Variants in WDR7 observed in about 807,000 individuals in gnomAD.
WDR7 encodes the protein WD repeat-containing protein 7.
In WDR7, 46 loss-of-function variants were observed where a neutral mutation model predicts 169.4. The ratio of observed to expected loss-of-function variants is 0.27; its 90% CI spans 0.21 to 0.35. The LOEUF (loss-of-function observed/expected upper bound fraction) is 0.35, where lower values mean the gene tolerates loss of function less well. Ranked by LOEUF, WDR7 falls within the 10% of genes least tolerant of loss-of-function variation. WDR7 has a pLI of 1.00. For missense variants in WDR7, 1,534 were observed against 1,859.3 expected, an observed-to-expected ratio of 0.83 and a Z score of 3.22; for synonymous variants, 612 against 666.8, an observed-to-expected ratio of 0.92 and a Z score of 1.27.
intron 19 of WDR7, among the ~76,000 whole-genome samples, chr18:56,798,236 A>G (rs75130065): frequency 0.014 from 2,094 of 152,308 alleles, 48 homozygotes; most frequent in African/African-American, 0.048. Flanking sequence ...ATTTCTATCA[A>G]TAATAGTGGT....
chr18:56,853,744 T>G (rs1334057679), intron 20 of WDR7, among the ~76,000 whole-genome samples: 1 of 152,204 alleles, frequency 6.6e-6, no homozygotes. Context: ...TATATTGGTA[T>G]GCCTAAACAA....
chr18:56,678,361 A>AT (rs2025285227), intron 2 of WDR7, among the ~76,000 whole-genome samples: 1 of 152,278 alleles, frequency 6.6e-6, no homozygotes, highest in Admixed American at 6.5e-5. Context: ...CCATGGAGGA[A>AT]TTAAGTATTT....
chr18:56,973,154 GCGCGAGCCAC>G (rs1309824093), intron 26 of WDR7, among the ~76,000 whole-genome samples: 1 of 152,190 alleles, frequency 6.6e-6, no homozygotes, highest in African/African-American at 2.4e-5. Context: ...GGGATTACAG[GCGCGAGCCAC>G]CGCGCCCGGC....
intron 22 of WDR7, 51 bp from the exon 23 acceptor site, chr18:56,935,737 A>C (rs760712034): frequency 3.2e-6 from 5 of 1,546,350 alleles, no homozygotes; most frequent in East Asian, 4.5e-5. Flanking sequence ...TTTTCAGTCC[A>C]TATTTCTAAT....
At chr18:56,689,431 T>A (rs935401333) in intron 7 of WDR7, among the ~76,000 whole-genome samples, 18 of 152,132 alleles carry the variant, frequency 1.2e-4, no homozygotes, top group Admixed American at 1.2e-3. Context: ...TGACCAATTT[T>A]TGTATTTTTA....
chr18:56,920,338 G>A lies in WDR7; in HGVS notation c.3527-3584G>A, dbSNP rs76686672. Among the ~76,000 whole-genome samples the A allele has an allele frequency of 7.5e-3, 1,139 of 152,242 alleles. 4 individuals are homozygous for A. Among genetic ancestry groups the A allele is most frequent in the Non-Finnish European group, 0.013 (860 of 68,016 alleles). ...CTGTTAAGCTCTGTCTTGATAGCTTGTGCTTATAAAAATTATAACACAATG... is the reference window on the plus strand; with the variant it reads ...CTGTTAAGCTCTGTCTTGATAGCTTATGCTTATAAAAATTATAACACAATG... On this transcript the variant is annotated intron_variant, in intron 21 of 27. Transcript: ENST00000254442.
intron 14 of WDR7, among the ~76,000 whole-genome samples, chr18:56,739,632 T>G (rs1392627772): frequency 6.6e-6 from 1 of 152,170 alleles, no homozygotes; most frequent in Non-Finnish European, 1.5e-5. Flanking sequence ...CATTGAATTT[T>G]CTCAGTTTTT....
intron 26 of WDR7, among the ~76,000 whole-genome samples, chr18:56,965,121 A>AT (rs1318096242): frequency 2.0e-5 from 3 of 152,042 alleles, no homozygotes; most frequent in African/African-American, 7.2e-5. Flanking sequence ...GTGTGGGACA[A>AT]TTTTTTTTAG....
At chr18:57,017,927 G>A (rs2048230055) in intron 26 of WDR7, among the ~76,000 whole-genome samples, 1 of 152,136 alleles carries the variant, frequency 6.6e-6, no homozygotes, top group Non-Finnish European at 1.5e-5. Context: ...GCCAGAGGAA[G>A]ACAAAAAATG....
At chr18:56,786,166 G>T (rs2044396305) in intron 19 of WDR7, among the ~76,000 whole-genome samples, 1 of 152,080 alleles carries the variant, frequency 6.6e-6, no homozygotes, top group Non-Finnish European at 1.5e-5. Flanking sequence ...CTGCCAGACT[G>T]GAGATCACTG....
intron 12 of WDR7, among the ~76,000 whole-genome samples, chr18:56,703,178 G>A (rs1290708805): frequency 1.3e-5 from 2 of 152,196 alleles, no homozygotes; most frequent in African/African-American, 2.4e-5. Context: ...TCAATTGACA[G>A]TATTAAAACC....
chr18:56,808,995 TCTA>T, intron 19 of WDR7, among the ~76,000 whole-genome samples: 1 of 152,228 alleles, frequency 6.6e-6, no homozygotes, highest in African/African-American at 2.4e-5. Flanking sequence ...AATTCTCACT[TCTA>T]CTAGCTACAA....
intron 1 of WDR7, among the ~76,000 whole-genome samples, chr18:56,665,504 T>G (rs2025001213): frequency 6.6e-6 from 1 of 152,150 alleles, no homozygotes; most frequent in East Asian, 1.9e-4. Context: ...ATTACTGATT[T>G]TTTTTGTACG....
At chr18:56,743,036 T>A (rs2043644638) in intron 14 of WDR7, among the ~76,000 whole-genome samples, 1 of 152,192 alleles carries the variant, frequency 6.6e-6, no homozygotes, top group Non-Finnish European at 1.5e-5. Context: ...GAGGAGAGTT[T>A]AAATTCAAGA....
intron 26 of WDR7, among the ~76,000 whole-genome samples, chr18:57,001,594 A>G (rs1477842402): frequency 6.6e-6 from 1 of 152,156 alleles, no homozygotes; most frequent in African/African-American, 2.4e-5. Context: ...TTTTAAGTGC[A>G]CAGTTTGATA....
chr18:57,027,464 A>C lies in WDR7; in HGVS notation c.*257A>C. On this transcript the variant is annotated 3_prime_UTR_variant, in exon 28 of 28. Coordinates refer to ENST00000254442, the MANE Select transcript of WDR7 (RefSeq NM_015285.3). ...ACCAGGTAGTTTTTCCCTGCCAGAG[A>C]TGGCAGGGGAAAGCCAGTGGTTCCT... 1 of 518,500 alleles carries C rather than the reference A, an allele frequency of 1.9e-6. No individual in the cohort carries two copies. 32.1% of individuals were successfully genotyped at this position (518,500 alleles called of 1,614,324 possible). A position where few individuals can be genotyped will look rare whatever the true frequency, so the allele number is the denominator to read the frequency against.
intron 20 of WDR7, among the ~76,000 whole-genome samples, chr18:56,858,929 A>G (rs1228014485): frequency 1.3e-5 from 2 of 152,316 alleles, no homozygotes; most frequent in African/African-American, 2.4e-5. Context: ...TTTTTATAAT[A>G]TATTAGAAGA....
intron 20 of WDR7, among the ~76,000 whole-genome samples, chr18:56,849,020 G>T (rs568135944): frequency 6.6e-6 from 1 of 151,996 alleles, no homozygotes; most frequent in Non-Finnish European, 1.5e-5. Flanking sequence ...TCCAAGCTTC[G>T]TGGCTCTTTC....
intron 26 of WDR7, among the ~76,000 whole-genome samples, chr18:56,969,126 T>G (rs1027834512): frequency 1.3e-5 from 2 of 152,216 alleles, no homozygotes; most frequent in Non-Finnish European, 2.9e-5. Flanking sequence ...TCAAATTCAA[T>G]GTGTCAGACA....
Sources: allele counts gnomAD v4.1 joint callset (sites outside exome capture counted in the v4.1 genomes callset), GRCh38; gene constraint gnomAD v4.1.1; transcripts MANE v1.5; gene names NCBI Gene and HGNC (gene_info 2026-07-23, HGNC 2026-07-21).